ALDH4A1: variants seen among roughly 807,000 people sequenced by gnomAD.
ALDH4A1 encodes the protein delta-1-pyrroline-5-carboxylate dehydrogenase, mitochondrial.
ALDH4A1 carries 46 observed loss-of-function variants against 70.5 expected under a neutral mutation model. The observed-to-expected ratio is 0.65, with a 90% CI of 0.51 to 0.83. The LOEUF (loss-of-function observed/expected upper bound fraction) is 0.83, where lower values mean the gene tolerates loss of function less well. Among genes scored for constraint, ALDH4A1 ranks in the 40% least tolerant of loss-of-function variants. The probability of loss-of-function intolerance (pLI) is 0.00; values close to 1 mark genes in which losing one functional copy is unlikely to be tolerated. For synonymous variants in ALDH4A1, 323 were observed against 324.3 expected (o/e 1.00, Z 0.04); for missense variants, 749 against 766.5 (o/e 0.98, Z 0.27).
chr1:18,886,600 G>A (rs937283617), intron 3 of ALDH4A1, 89 bp from the exon 4 acceptor site: 161 of 1,436,002 alleles, frequency 1.1e-4, no homozygotes, highest in Non-Finnish European at 1.5e-4. Context: ...GGTTTTCCAG[G>A]AAAGTCCTGG....
In ALDH4A1 at chr1:18,874,570, T is replaced by C. The variant is rs1321133634; in HGVS notation, c.1472A>G (p.Gln491Arg). 51 of 1,614,102 alleles carry C rather than the reference T, an allele frequency of 3.2e-5. No homozygotes were observed. Among genetic ancestry groups the C allele is most frequent in the Non-Finnish European group, 4.2e-5 (49 of 1,180,038 alleles). The change falls in exon 14 of 15, where the codon CAG becomes CGG. Residue 491 changes from glutamine to arginine, a missense_variant. Transcript: ENST00000375341. ...ATTCCTCAGCACCTTTGTGGCCTCC[T>C]GCACGACGTCCCTACAAAGCAGAGC... The part of the protein sequence containing the change: ...AVFSQDKDVV[Q>R]EATKVLRNAA...
chr1:18,874,602 G>C, intron 13 of ALDH4A1, 21 bp from the exon 14 acceptor site: 1 of 1,612,528 alleles, frequency 6.2e-7, no homozygotes, highest in Non-Finnish European at 8.5e-7. Flanking sequence ...GAGCAGTGGT[G>C]ACAGAGCAAC....
intron 7 of ALDH4A1, chr1:18,882,817 T>G: frequency 1.7e-6 from 1 of 595,266 alleles, no homozygotes; most frequent in Non-Finnish European, 3.2e-6. Flanking sequence ...TGCTGCTGGA[T>G]GTGTCTCATT....
At position 18,872,739 on chromosome 1, in the gene ALDH4A1, A is replaced by G; in HGVS notation, c.*106T>C. On this transcript the variant is annotated 3_prime_UTR_variant, in exon 15 of 15. Coordinates refer to ENST00000375341, the MANE Select transcript of ALDH4A1 (RefSeq NM_003748.4). ...AGGGAGTCAAGCCCGGATTATAGAA[A>G]GGCAGCTGTGCATGAAGAAGGGGTG... 1 of 814,066 alleles carries G rather than the reference A, an allele frequency of 1.2e-6. No individual in the cohort carries two copies. The allele number at this position is 814,066 out of a possible 1,614,324, so 50.4% of individuals were successfully genotyped here.
At chr1:18,888,523 G>A (rs543184375) in intron 3 of ALDH4A1, among the ~76,000 whole-genome samples, 2 of 152,322 alleles carry the variant, frequency 1.3e-5, no homozygotes, top group African/African-American at 4.8e-5. Flanking sequence ...CCGGAGCCTC[G>A]CTGCCTGGAA....
intron 1 of ALDH4A1, among the ~76,000 whole-genome samples, chr1:18,897,345 C>A (rs1309346014): frequency 1.3e-5 from 2 of 152,146 alleles, no homozygotes; most frequent in African/African-American, 4.8e-5. Flanking sequence ...GAGTTCTAGA[C>A]CAGCCTGGCC....
chr1:18,897,234 A>G (rs982148027), intron 1 of ALDH4A1: 7 of 412,898 alleles, frequency 1.7e-5, no homozygotes, highest in Non-Finnish European at 2.0e-5. Flanking sequence ...CCAAAATCCA[A>G]GCAAGTCCAA....
intron 9 of ALDH4A1, among the ~76,000 whole-genome samples, chr1:18,878,262 C>T (rs1418943593): frequency 6.6e-6 from 1 of 152,190 alleles, no homozygotes; most frequent in East Asian, 1.9e-4. Flanking sequence ...CCATTACTAT[C>T]CCCAATTTCA....
intron 11 of ALDH4A1, 78 bp downstream of exon 11, chr1:18,877,130 A>T (rs943821297): frequency 2.0e-6 from 3 of 1,536,606 alleles, no homozygotes; most frequent in African/African-American, 2.8e-5. Flanking sequence ...GGGTCAGGGT[A>T]CCCTGTATCT....
intron 8 of ALDH4A1, 122 bp downstream of exon 8, chr1:18,881,578 C>G (rs1934967252): frequency 9.4e-7 from 1 of 1,059,414 alleles, no homozygotes; most frequent in African/African-American, 1.6e-5. Context: ...AGCCACACAG[C>G]AAGTAAGGGA....
At chr1:18,890,776 C>T in intron 1 of ALDH4A1, 1 of 985,546 alleles carries the variant, frequency 1.0e-6, no homozygotes, top group Non-Finnish European at 1.2e-6. Context: ...TCCCTTTCTT[C>T]TCCCACAAGG....
intron 14 of ALDH4A1, among the ~76,000 whole-genome samples, chr1:18,873,724 C>T (rs774779058): frequency 7.2e-5 from 11 of 152,218 alleles, no homozygotes; most frequent in Non-Finnish European, 1.6e-4. Flanking sequence ...TATGTGTCTG[C>T]GCATCTGGCT....
intron 11 of ALDH4A1, among the ~76,000 whole-genome samples, 194 bp from the exon 12 acceptor site, chr1:18,876,661 C>CTGTGTGTGTGTGTGTGTGTGTGTGTG (rs10524811): frequency 0.093 from 13,657 of 146,614 alleles, 819 homozygotes; most frequent in East Asian, 0.21. Context: ...GACATGAACA[C>CTGTGTGTGTGTGTGTGTGTGTGTGTG]TGTGTGTGTG....
chr1:18,878,366 G>A (rs1299203122), intron 9 of ALDH4A1, among the ~76,000 whole-genome samples: 6 of 152,134 alleles, frequency 3.9e-5, no homozygotes, highest in African/African-American at 1.4e-4. Context: ...AGGCAGGGAA[G>A]GAGGCTCTGA....
At chr1:18,890,277 C>T in intron 1 of ALDH4A1, 172 bp from the exon 2 acceptor site, 1 of 607,856 alleles carries the variant, frequency 1.6e-6, no homozygotes, top group Non-Finnish European at 3.0e-6. Context: ...CATGGTGGCT[C>T]ACACCTGTAA....
At chr1:18,890,436 A>G (rs2100594523) in intron 1 of ALDH4A1, among the ~76,000 whole-genome samples, 1 of 152,324 alleles carries the variant, frequency 6.6e-6, no homozygotes, top group South Asian at 2.1e-4. Context: ...AGTCTGAGCT[A>G]CTCAGGAGGC....
intron 12 of ALDH4A1, 99 bp downstream of exon 12, chr1:18,876,216 C>T: frequency 6.7e-7 from 1 of 1,496,692 alleles, no homozygotes; most frequent in Non-Finnish European, 9.2e-7. Flanking sequence ...TTTAGGGCCT[C>T]ATCTGTGAAA....
At chr1:18,879,210 C>T in intron 9 of ALDH4A1, 90 bp downstream of exon 9, 1 of 1,330,068 alleles carries the variant, frequency 7.5e-7, no homozygotes, top group South Asian at 1.3e-5. Context: ...TGACTTGTGG[C>T]TGGATCCCCT....
At position 18,898,300 on chromosome 1, in the gene ALDH4A1, C is replaced by T. The variant is rs1935690330; in HGVS notation, c.62+4162G>A. Among the ~76,000 whole-genome samples, 1 of 152,104 alleles carries T rather than the reference C, an allele frequency of 6.6e-6. No homozygotes were observed. The highest frequency in any genetic ancestry group is 2.1e-4 in the South Asian group (1 of 4,832). ...TCATGACACTGTACTCCAGCCTGGA[C>T]AACAGAGTGAGACTCTGTCTCCAAA... On this transcript the variant is annotated intron_variant, in intron 1 of 14. Transcript: ENST00000375341. This position sits in a 1 kb window ranked among gnomAD's most constrained non-coding sequence, Gnocchi z 4.3.
Sources: gnomAD v4.1 joint callset for allele counts (sites outside exome capture counted in the v4.1 genomes callset) on GRCh38, gnomAD v4.1.1 for gene constraint, Gnocchi (gnomAD v3.1) non-coding constraint, MANE v1.5 for transcripts, NCBI Gene and HGNC (gene_info 2026-07-23, HGNC 2026-07-21) for gene names.